CTNS: variants seen among roughly 807,000 people sequenced by gnomAD.
The protein encoded by CTNS is cystinosin, lysosomal cystine transporter.
In CTNS, 27 loss-of-function variants were observed where a neutral mutation model predicts 43.7. The ratio of observed to expected loss-of-function variants is 0.62; its 90% confidence interval spans 0.46 to 0.85. The LOEUF is 0.85. Ranked by LOEUF, CTNS falls within the 40% of genes least tolerant of loss-of-function variation. The pLI, the probability that CTNS is intolerant of heterozygous loss-of-function variation, is 0.00. For synonymous variants in CTNS, 187 were observed against 190.6 expected (o/e 0.98, Z 0.16); for missense variants, 457 against 475.4 (o/e 0.96, Z 0.36).
At chr17:3,644,529 A>G (rs966852575) in intron 3 of CTNS, among the ~76,000 whole-genome samples, 4 of 152,176 alleles carry the variant, frequency 2.6e-5, no homozygotes, top group Admixed American at 6.5e-5. Context: ...CAGTGGCGCA[A>G]TCTCAGCTCA....
chr17:3,659,190 C>CA (rs2076226630), intron 10 of CTNS, among the ~76,000 whole-genome samples: 1 of 90,282 alleles, frequency 1.1e-5, no homozygotes. Flanking sequence ...GGACCTGCCT[C>CA]ACGGGGGGAA....
Position 3,636,790 on chromosome 17 carries a change from T to G in CTNS, c.-271T>G, listed in dbSNP as rs1296378213. On this transcript the variant is annotated 5_prime_UTR_variant, in exon 1 of 12. It removes an upstream start codon present in the reference 5' UTR. Transcript: ENST00000046640. ...CCTGACCGGCACCTGGCGAGGCTCATGCGTCCCGTGAGGGCGGTTCCTCGA... is the reference window on the plus strand; with the variant it reads ...CCTGACCGGCACCTGGCGAGGCTCAGGCGTCCCGTGAGGGCGGTTCCTCGA... 1 of 152,526 alleles carries G rather than the reference T, an allele frequency of 6.6e-6. No homozygotes were observed. Among genetic ancestry groups the G allele is most frequent in the Non-Finnish European group, 1.5e-5 (1 of 68,132 alleles). The allele number at this position is 152,526 out of a possible 1,614,324, so 9.4% of individuals were successfully genotyped here. A position where few individuals can be genotyped will look rare whatever the true frequency, so the allele number is the denominator to read the frequency against.
chr17:3,648,781 C>A, intron 4 of CTNS, 66 bp from the exon 5 acceptor site: 1 of 1,316,238 alleles, frequency 7.6e-7, no homozygotes, highest in Middle Eastern at 1.8e-4. Context: ...GATGTGAAAT[C>A]CAGAGGGTTG....
chr17:3,638,917 G>A (rs955067618), intron 2 of CTNS, among the ~76,000 whole-genome samples: 2 of 152,176 alleles, frequency 1.3e-5, no homozygotes, highest in African/African-American at 4.8e-5. Context: ...TAGGTACGGG[G>A]TCATTCCCGG....
At chr17:3,659,193 G>T (rs1371410911) in intron 10 of CTNS, among the ~76,000 whole-genome samples, 2 of 36,116 alleles carry the variant, frequency 5.5e-5, no homozygotes, top group Non-Finnish European at 2.8e-4. Context: ...CCTGCCTCAC[G>T]GGGGGAAGGA....
rs369557189 is a variant in CTNS, at chr17:3,652,772, TTAAAAA to T, written c.226-2222_226-2217del. ...CAAGCAACGTTGCAAGGAATATCTG[TTAAAAA>T]TAAGAAAAAGTGAGTGGCAGGAAAA... On this transcript the variant is annotated intron_variant, in intron 5 of 11. Transcript: ENST00000046640. Among the ~76,000 whole-genome samples the T allele has an allele frequency of 1.9e-3, 285 of 152,192 alleles. 2 individuals carry two copies. Among genetic ancestry groups the T allele is most frequent in the African/African-American group, 6.7e-3 (278 of 41,510 alleles).
chr17:3,650,528 C>T, intron 5 of CTNS: 2 of 577,586 alleles, frequency 3.5e-6, no homozygotes, highest in Non-Finnish European at 5.5e-6. Flanking sequence ...AACAGCATTG[C>T]TGAGAGGGGA....
At chr17:3,652,688 C>T (rs1213321266) in intron 5 of CTNS, among the ~76,000 whole-genome samples, 3 of 152,148 alleles carry the variant, frequency 2.0e-5, no homozygotes, top group African/African-American at 7.2e-5. Context: ...ATCGGTCAAT[C>T]GACTGATTTT....
At chr17:3,655,701 C>T (rs1339706401) in intron 7 of CTNS, 2 of 359,544 alleles carry the variant, frequency 5.6e-6, no homozygotes, top group South Asian at 2.4e-5. Flanking sequence ...GTCCTGTAGT[C>T]TCGGTCTTTG....
rs2150919178 is a variant in CTNS at position 3,655,111 on chromosome 17, C to T, written c.329+10C>T. The stretch of plus-strand genomic sequence containing the variant: ...ACTCCAATCAGACCGGGTAGGCTGG[C>T]CTCAGGGTGTGCGGGCCTCACGTGA... On this transcript the variant is annotated intron_variant, in intron 6 of 11. Coordinates refer to ENST00000046640, the MANE Select transcript of CTNS (RefSeq NM_004937.3). 1 of 1,613,790 alleles carries T rather than the reference C, an allele frequency of 6.2e-7. No homozygotes were observed. The highest frequency in any genetic ancestry group is 8.5e-7 in the Non-Finnish European group (1 of 1,179,672).
At chr17:3,647,607 G>T in intron 4 of CTNS, 85 bp downstream of exon 4, 1 of 1,161,302 alleles carries the variant, frequency 8.6e-7, no homozygotes, top group Non-Finnish European at 1.3e-6. Context: ...AGTCTGTTCA[G>T]ATTTCAGATG....
intron 2 of CTNS, among the ~76,000 whole-genome samples, chr17:3,639,765 A>G (rs1398399073): frequency 1.3e-5 from 2 of 152,100 alleles, no homozygotes; most frequent in African/African-American, 4.8e-5. Flanking sequence ...TTATCCCAGG[A>G]CAGGAAAGGA....
chr17:3,641,540 C>T (rs1376129690), intron 3 of CTNS, among the ~76,000 whole-genome samples: 1 of 150,868 alleles, frequency 6.6e-6, no homozygotes, highest in Non-Finnish European at 1.5e-5. Context: ...TACAGGCACC[C>T]GCAACTACGC....
intron 2 of CTNS, among the ~76,000 whole-genome samples, chr17:3,638,306 C>T (rs1438693777): frequency 3.3e-5 from 5 of 151,318 alleles, no homozygotes; most frequent in East Asian, 1.9e-4. Flanking sequence ...GGTGCAATCT[C>T]GGCTCACTGC....
chr17:3,660,057 G>A, intron 11 of CTNS, 82 bp downstream of exon 11: 2 of 1,456,312 alleles, frequency 1.4e-6, no homozygotes, highest in Non-Finnish European at 1.9e-6. Context: ...TCCAGCCAGG[G>A]CTCCACCCCC....
At chr17:3,656,893 GGTGT>G in intron 9 of CTNS, 98 bp downstream of exon 9, 1 of 1,574,676 alleles carries the variant, frequency 6.4e-7, no homozygotes, top group Non-Finnish European at 8.6e-7. Flanking sequence ...GGAAAGGAAG[GGTGT>G]GTGTTCATTC....
intron 2 of CTNS, among the ~76,000 whole-genome samples, chr17:3,638,823 G>A (rs546333491): frequency 5.3e-5 from 8 of 152,308 alleles, no homozygotes; most frequent in Admixed American, 1.3e-4. Flanking sequence ...TTCCATACAC[G>A]CAGGAGGGCA....
Position 3,658,081 on chromosome 17 carries a change from TCGTGGCTGCAGTGGGAGTGACCA to T in CTNS, c.771_793del (p.Gly258SerfsTer30), listed in dbSNP as rs759623796. 15 of 1,612,260 alleles carry T rather than the reference TCGTGGCTGCAGTGGGAGTGACCA, an allele frequency of 9.3e-6. No homozygotes were observed. In the South Asian group the frequency reaches 1.2e-4, roughly 13 times the overall value. On this transcript the variant is annotated frameshift_variant, in exon 10 of 12. Transcript: ENST00000046640. LOFTEE classifies it high-confidence loss of function. The stretch of plus-strand genomic sequence containing the variant: ...TGGCTCTTCGCATTTGTCACCATGA[TCGTGGCTGCAGTGGGAGTGACCA>T]CGTGGCTGCAGTTTCTCTTCTGCTT...
At chr17:3,653,550 T>C (rs2076042991) in intron 5 of CTNS, among the ~76,000 whole-genome samples, 1 of 152,034 alleles carries the variant, frequency 6.6e-6, no homozygotes, top group African/African-American at 2.4e-5. Context: ...AAGGATATCA[T>C]CCTGCTCCCC....
Sources: gnomAD v4.1 joint callset for allele counts (sites outside exome capture counted in the v4.1 genomes callset) on GRCh38, gnomAD v4.1.1 for gene constraint, MANE v1.5 for transcripts, NCBI Gene and HGNC (gene_info 2026-07-23, HGNC 2026-07-21) for gene names.